The following ATP2B2 variants were observed in gnomAD, a reference collection of about 807,000 sequenced individuals.
The protein encoded by ATP2B2 is plasma membrane calcium-transporting ATPase 2.
Under a neutral mutation model 120.0 loss-of-function variants are expected in ATP2B2, and 15 were observed. The observed-to-expected ratio is 0.12, with a 90% CI of 0.08 to 0.19. ATP2B2 has a LOEUF of 0.19. Among genes scored for constraint, ATP2B2 ranks in the 10% least tolerant of loss-of-function variants. The pLI is 1.00. For missense variants in ATP2B2, 1,045 were observed against 1,719.8 expected (o/e 0.61, Z 6.94); for synonymous variants, 694 against 700.3 (o/e 0.99, Z 0.14).
At chr3:10,669,305 GGTACAGCCTCGGCCAGACCTCC>G (rs2071031450) in intron 1 of ATP2B2, among the ~76,000 whole-genome samples, 1 of 152,134 alleles carries the variant, frequency 6.6e-6, no homozygotes, top group Admixed American at 6.5e-5. Flanking sequence ...ATGACTGGGA[GGTACAGCCTCGGCCAGACCTCC>G]GCCCAACACA....
At chr3:10,704,629 T>A (rs1338331540) in intron 1 of ATP2B2, among the ~76,000 whole-genome samples, 2 of 152,236 alleles carry the variant, frequency 1.3e-5, no homozygotes, top group Non-Finnish European at 2.9e-5. Flanking sequence ...CTAGCCTGAT[T>A]TTTCAATCCC....
At chr3:10,699,909 G>A (rs2071791325) in intron 1 of ATP2B2, among the ~76,000 whole-genome samples, 1 of 152,048 alleles carries the variant, frequency 6.6e-6, no homozygotes, top group African/African-American at 2.4e-5. Flanking sequence ...CATGCTCTTG[G>A]ACTTCTCAGT....
At chr3:10,351,321 C>T (rs756227051) in intron 14 of ATP2B2, among the ~76,000 whole-genome samples, 7 of 152,150 alleles carry the variant, frequency 4.6e-5, no homozygotes, top group Non-Finnish European at 1.0e-4. Flanking sequence ...AGCTGGGGCA[C>T]CCCTTTATAC....
At chr3:10,625,114 C>T (rs760893262) in intron 1 of ATP2B2, among the ~76,000 whole-genome samples, 4 of 152,186 alleles carry the variant, frequency 2.6e-5, no homozygotes, top group Non-Finnish European at 4.4e-5. Flanking sequence ...TCAGCAGGCC[C>T]CAGAAACTCA....
chr3:10,491,160 C>T (rs919454839), intron 1 of ATP2B2, among the ~76,000 whole-genome samples: 1 of 151,910 alleles, frequency 6.6e-6, no homozygotes. Flanking sequence ...GAAGCTCTGA[C>T]TCCGGGCATT....
chr3:10,339,998 T>C (rs575571067), intron 21 of ATP2B2, among the ~76,000 whole-genome samples: 1 of 152,334 alleles, frequency 6.6e-6, no homozygotes. Flanking sequence ...GCTGACGTGA[T>C]TGAGAGAAAA....
chr3:10,615,512 C>A (rs1220046829), intron 2 of ATP2B2, among the ~76,000 whole-genome samples: 2 of 152,194 alleles, frequency 1.3e-5, no homozygotes, highest in African/African-American at 4.8e-5. Context: ...CACTGAGCTC[C>A]AACAGTCCAA....
intron 1 of ATP2B2, among the ~76,000 whole-genome samples, chr3:10,699,078 C>T (rs2071781401): frequency 2.0e-5 from 3 of 152,368 alleles, no homozygotes; most frequent in African/African-American, 7.2e-5. Flanking sequence ...CCACAATCAC[C>T]TATTCATCTT....
chr3:10,432,750 G>C (rs2063358811), intron 2 of ATP2B2, among the ~76,000 whole-genome samples: 1 of 152,248 alleles, frequency 6.6e-6, no homozygotes, highest in Non-Finnish European at 1.5e-5. Context: ...GTCTCCCTGG[G>C]ACCTGTCTCT....
intron 2 of ATP2B2, among the ~76,000 whole-genome samples, chr3:10,434,660 T>C (rs2063420901): frequency 1.3e-5 from 2 of 152,250 alleles, no homozygotes; most frequent in South Asian, 4.1e-4. Flanking sequence ...GAGGAGCCAA[T>C]GCTGGACTCC....
chr3:10,491,441 G>C (rs9841703), intron 1 of ATP2B2, among the ~76,000 whole-genome samples: 39,899 of 151,986 alleles, frequency 0.26, 5,434 homozygotes, highest in East Asian at 0.34. Flanking sequence ...GGCCAGGCTG[G>C]TATGGAATTC....
chr3:10,393,192 C>G (rs181786356), intron 5 of ATP2B2, among the ~76,000 whole-genome samples: 1 of 152,270 alleles, frequency 6.6e-6, no homozygotes, highest in Admixed American at 6.5e-5. Flanking sequence ...AAGGACATGG[C>G]GGGCCGGAAG....
chr3:10,400,045 G>A (rs2062166755), intron 5 of ATP2B2, among the ~76,000 whole-genome samples: 1 of 152,212 alleles, frequency 6.6e-6, no homozygotes. Flanking sequence ...AGCACCCAGA[G>A]TAGCTTTGCA....
intron 12 of ATP2B2, among the ~76,000 whole-genome samples, chr3:10,365,777 G>A (rs901843054): frequency 7.3e-6 from 1 of 137,146 alleles, no homozygotes; most frequent in African/African-American, 2.8e-5. Context: ...CGCTGTATGT[G>A]TATGGTACGT....
At position 10,400,997 on chromosome 3, in the gene ATP2B2, T is replaced by A; in HGVS notation, c.737A>T (p.Asp246Val). The A allele has an allele frequency of 6.2e-7, 1 of 1,614,164 alleles. No homozygotes were observed. Among genetic ancestry groups the A allele is most frequent in the Non-Finnish European group, 8.5e-7 (1 of 1,180,000 alleles). The change falls in exon 5 of 23, where the codon GAC becomes GTC. Residue 246 changes from aspartate (D) to valine (V), a missense_variant. Asp to Val is a radical substitution (Grantham distance 152). Transcript: ENST00000360273. ...CTTGTCCACGGACTTGCGCACCTGG[T>A]CAGACTCTCCAGTTAGGGAGCTTTC... is the stretch of plus-strand genomic sequence containing the variant. ...IDESSLTGES[D>V]QVRKSVDKDP...
chr3:10,573,081 T>C (rs1163847840), intron 2 of ATP2B2, among the ~76,000 whole-genome samples: 2 of 152,060 alleles, frequency 1.3e-5, no homozygotes, highest in Non-Finnish European at 2.9e-5. Flanking sequence ...CAGGTTCCTT[T>C]GACACAATGA....
intron 2 of ATP2B2, among the ~76,000 whole-genome samples, chr3:10,588,460 C>A (rs1291994592): frequency 6.6e-6 from 1 of 152,188 alleles, no homozygotes; most frequent in Non-Finnish European, 1.5e-5. Context: ...CTGATGGCAA[C>A]CTGGTCCACA....
chr3:10,587,821 T>C (rs1242532909), intron 2 of ATP2B2, among the ~76,000 whole-genome samples: 1 of 152,170 alleles, frequency 6.6e-6, no homozygotes, highest in Admixed American at 6.5e-5. Context: ...GGCTGGCAAA[T>C]AGCCAGAGAT....
At chr3:10,498,411 C>G (rs2066242736) in intron 1 of ATP2B2, among the ~76,000 whole-genome samples, 1 of 152,256 alleles carries the variant, frequency 6.6e-6, no homozygotes, top group Non-Finnish European at 1.5e-5. Flanking sequence ...GAGGCCAGCA[C>G]CCTCTGCTCC....
Sources: gnomAD v4.1 joint callset for allele counts (sites outside exome capture counted in the v4.1 genomes callset) on GRCh38, gnomAD v4.1.1 for gene constraint, MANE v1.5 for transcripts, NCBI Gene and HGNC (gene_info 2026-07-23, HGNC 2026-07-21) for gene names.